Variants in PHF24 observed in about 807,000 individuals in gnomAD.
PHF24 encodes the protein Galpha inhibitory interacting protein.
PHF24 carries 25 observed loss-of-function variants against 42.6 expected under a neutral mutation model. The observed-to-expected ratio is 0.59, with a 90% CI of 0.43 to 0.82. The LOEUF is 0.82. Among genes scored for constraint, PHF24 ranks in the 40% least tolerant of loss-of-function variants. The pLI, the probability that PHF24 is intolerant of heterozygous loss-of-function variation, is 0.00. For synonymous variants in PHF24, 185 were observed against 204.8 expected (o/e 0.90, Z 0.83); for missense variants, 470 against 538.1 (o/e 0.87, Z 1.25).
the PHF24 span, among the ~76,000 whole-genome samples, chr9:34,861,200 G>T: frequency 6.6e-6 from 1 of 152,222 alleles, no homozygotes; most frequent in Non-Finnish European, 1.5e-5. Context: ...ACTTGCTGGA[G>T]AGCTGTGAAC....
At chr9:34,678,119 C>T in the PHF24 span, 1 of 152,176 alleles carries the variant, frequency 6.6e-6, no homozygotes. Flanking sequence ...AAAAGAGAGA[C>T]TGGCCTAGCC....
At chr9:34,763,211 G>T in the PHF24 span, among the ~76,000 whole-genome samples, 1 of 151,990 alleles carries the variant, frequency 6.6e-6, no homozygotes, top group African/African-American at 2.4e-5. Flanking sequence ...GAACTTTAAA[G>T]TAGTTTTTTC....
the PHF24 span, among the ~76,000 whole-genome samples, chr9:34,895,396 G>A: frequency 0.015 from 2,268 of 152,322 alleles, 57 homozygotes; most frequent in African/African-American, 0.052. Flanking sequence ...AGTCAAAGGA[G>A]TTCAGCCATC....
the PHF24 span, among the ~76,000 whole-genome samples, chr9:34,770,640 T>C: frequency 6.6e-6 from 1 of 151,856 alleles, no homozygotes; most frequent in Non-Finnish European, 1.5e-5. Flanking sequence ...CTATATTTTA[T>C]ACAAAAAAAC....
chr9:34,923,036 A>C, the PHF24 span: 1 of 449,362 alleles, frequency 2.2e-6, no homozygotes, highest in Non-Finnish European at 3.7e-6. Context: ...CCAGTTTTTT[A>C]AGTTTTGTTT....
At chr9:34,681,194 T>G in the PHF24 span, 1 of 152,236 alleles carries the variant, frequency 6.6e-6, no homozygotes. Flanking sequence ...TGCTGGAGAC[T>G]TGCCTGGACC....
chr9:34,956,083 G>T (rs1398261098), upstream of PHF24, among the ~76,000 whole-genome samples: 1 of 152,136 alleles, frequency 6.6e-6, no homozygotes, highest in Non-Finnish European at 1.5e-5. Flanking sequence ...AACTTCCATT[G>T]TATTTCATTC....
At chr9:34,918,409 A>T in the PHF24 span, 21 of 175,878 alleles carry the variant, frequency 1.2e-4, no homozygotes, top group East Asian at 2.4e-4. Context: ...CAAGGTCTTT[A>T]AAAAAAAAAA....
At chr9:34,786,404 C>T in the PHF24 span, among the ~76,000 whole-genome samples, 302 of 152,210 alleles carry the variant, frequency 2.0e-3, 1 homozygote, top group African/African-American at 7.1e-3. Flanking sequence ...CAACTATATC[C>T]CCTCTTTATT....
the PHF24 span, among the ~76,000 whole-genome samples, chr9:34,800,491 C>G: frequency 6.6e-6 from 1 of 152,200 alleles, no homozygotes; most frequent in Middle Eastern, 3.4e-3. Flanking sequence ...TGGAACAGAA[C>G]AGAGACCTCA....
chr9:34,818,246 G>T, the PHF24 span, among the ~76,000 whole-genome samples: 1 of 152,162 alleles, frequency 6.6e-6, no homozygotes, highest in African/African-American at 2.4e-5. Context: ...GGGCTTCCTT[G>T]CATTGTTCCT....
chr9:34,723,680 T>A, the PHF24 span: 1 of 1,551,650 alleles, frequency 6.4e-7, no homozygotes, highest in South Asian at 1.2e-5. Context: ...AACTTGGCCT[T>A]GCAAAGTTTG....
the PHF24 span, among the ~76,000 whole-genome samples, chr9:34,713,541 C>T: frequency 2.0e-5 from 3 of 152,126 alleles, no homozygotes; most frequent in East Asian, 5.8e-4. Flanking sequence ...GGGCTCCAGA[C>T]TTCTGAAAGA....
chr9:34,778,231 C>T, the PHF24 span, among the ~76,000 whole-genome samples: 43 of 152,116 alleles, frequency 2.8e-4, no homozygotes, highest in African/African-American at 8.9e-4. Context: ...ACATGAGACA[C>T]GTACAAAACA....
At chr9:34,907,795 C>T in the PHF24 span, among the ~76,000 whole-genome samples, 4 of 151,680 alleles carry the variant, frequency 2.6e-5, no homozygotes, top group Non-Finnish European at 5.9e-5. Flanking sequence ...TTTCTTTCTT[C>T]GCTGTAGTTT....
the PHF24 span, among the ~76,000 whole-genome samples, chr9:34,691,906 C>G: frequency 6.6e-6 from 1 of 152,194 alleles, no homozygotes; most frequent in East Asian, 1.9e-4. Flanking sequence ...TGTCCAACAC[C>G]TGGGTCAAAG....
chr9:34,909,532 C>A, the PHF24 span, among the ~76,000 whole-genome samples: 2 of 151,842 alleles, frequency 1.3e-5, no homozygotes, highest in Non-Finnish European at 2.9e-5. Flanking sequence ...TACCAGGGAC[C>A]GTTTGCAATT....
chr9:34,814,493 A>G, the PHF24 span, among the ~76,000 whole-genome samples: 2 of 152,200 alleles, frequency 1.3e-5, no homozygotes, highest in African/African-American at 4.8e-5. Context: ...CCCAAAGTTC[A>G]GTGTTTCTCT....
the PHF24 span, among the ~76,000 whole-genome samples, chr9:34,841,100 T>C: frequency 0.011 from 1,708 of 152,076 alleles, 44 homozygotes; most frequent in East Asian, 0.093. Flanking sequence ...CCCGGGTTCA[T>C]GCCATTCTCC....
Sources: gnomAD v4.1 joint callset for allele counts (sites outside exome capture counted in the v4.1 genomes callset) on GRCh38, gnomAD v4.1.1 for gene constraint, MANE v1.5 for transcripts, NCBI Gene and HGNC (gene_info 2026-07-23, HGNC 2026-07-21) for gene names.